Variants in TMPRSS7 observed in about 807,000 individuals in gnomAD.
TMPRSS7 encodes the protein transmembrane serine protease 7, also known as transmembrane protease serine 7.
Under a neutral mutation model 95.6 loss-of-function variants are expected in TMPRSS7, and 81 were observed. The observed-to-expected ratio is 0.85, with a 90% CI of 0.71 to 1.02. The LOEUF (loss-of-function observed/expected upper bound fraction) is 1.02, where lower values mean the gene tolerates loss of function less well. Among genes scored for constraint, TMPRSS7 ranks in the 50% least tolerant of loss-of-function variants. The pLI is 0.00. For missense variants in TMPRSS7, 945 were observed against 955.2 expected (o/e 0.99, Z 0.14); for synonymous variants, 364 against 337.8 (o/e 1.08, Z -0.85).
chr3:112,077,020 C>T (rs375096664), exon 16 of TMPRSS7: 1 of 1,614,022 alleles, frequency 6.2e-7, no homozygotes, highest in Non-Finnish European at 8.5e-7. Flanking sequence ...TGCTACAGCT[C>T]AGTATTGCCT....
intron 3 of TMPRSS7, among the ~76,000 whole-genome samples, chr3:112,042,301 C>T (rs12485981): frequency 6.6e-6 from 1 of 152,120 alleles, no homozygotes; most frequent in Admixed American, 6.5e-5. Context: ...TTCTTCTGAA[C>T]CGTAAAATAA....
chr3:112,052,671 C>T (rs576521357), intron 9 of TMPRSS7, among the ~76,000 whole-genome samples: 1 of 152,162 alleles, frequency 6.6e-6, no homozygotes, highest in Admixed American at 6.5e-5. Flanking sequence ...AACAAATCTC[C>T]ATTTCTTCAG....
intron 10 of TMPRSS7, among the ~76,000 whole-genome samples, chr3:112,059,879 G>A (rs1008700337): frequency 6.6e-6 from 1 of 152,214 alleles, no homozygotes; most frequent in Admixed American, 6.5e-5. Context: ...TGTTTCCCGA[G>A]TGCTTTAGGG....
rs1010555749 is a variant in TMPRSS7 at position 112,045,512 on chromosome 3, G to A, written c.498-238G>A. Among the ~76,000 whole-genome samples, 7 of 152,332 alleles carry A rather than the reference G, an allele frequency of 4.6e-5. No individual in the cohort carries two copies. In the South Asian group the frequency reaches 1.4e-3, roughly 32 times the overall value. On this transcript the variant is annotated intron_variant, in intron 4 of 17. Transcript: ENST00000452346. ...TCCATAGAAATAGCATATTCTCCAT[G>A]GAGACGCAACTCTACAGTAATGGTT...
chr3:112,068,181 T>C (rs761510224), intron 13 of TMPRSS7, among the ~76,000 whole-genome samples: 14 of 152,366 alleles, frequency 9.2e-5, no homozygotes, highest in East Asian at 1.9e-4. Flanking sequence ...TCCATTGCTC[T>C]ATATATCTGT....
intron 13 of TMPRSS7, among the ~76,000 whole-genome samples, chr3:112,069,696 C>G (rs58840068): frequency 0.03 from 4,534 of 152,062 alleles, 189 homozygotes; most frequent in African/African-American, 0.088. Flanking sequence ...TTTATTGAGT[C>G]TATTTGATTC....
At chr3:112,048,758 A>G (rs1041347197) in intron 7 of TMPRSS7, among the ~76,000 whole-genome samples, 40 of 152,258 alleles carry the variant, frequency 2.6e-4, no homozygotes, top group African/African-American at 9.4e-4. Context: ...TGCAGTGAAA[A>G]GTAAGTTTGC....
chr3:112,079,859 T>C (rs1262925025), intron 17 of TMPRSS7, among the ~76,000 whole-genome samples: 1 of 152,214 alleles, frequency 6.6e-6, no homozygotes, highest in Non-Finnish European at 1.5e-5. Context: ...AGAGGGTAAG[T>C]AAATTGCCTA....
Position 112,075,349 on chromosome 3 carries a change from C to T in TMPRSS7, c.1812C>T (p.His604=), listed in dbSNP as rs148582792. The change falls in exon 15 of 18, where the codon CAC becomes CAT. Residue 604 remains histidine (H), a synonymous_variant. Transcript: ENST00000452346. ...GCAGCAGGAGTTCCTCCGCCCTTCACCGCATCATCGGAGGCACAGACACCC... is the reference window on the plus strand; with the variant it reads ...GCAGCAGGAGTTCCTCCGCCCTTCATCGCATCATCGGAGGCACAGACACCC... 3.2e-5 allele frequency: 47 copies of T among 1,450,752 alleles called. No individual in the cohort carries two copies. The East Asian group carries it at 7.5e-4, about 23-fold the overall frequency. 89.9% of individuals were successfully genotyped at this position (1,450,752 alleles called of 1,614,324 possible).
chr3:112,039,441 A>G (rs1407730528), intron 2 of TMPRSS7, among the ~76,000 whole-genome samples: 8 of 152,210 alleles, frequency 5.3e-5, no homozygotes, highest in Admixed American at 3.9e-4. Flanking sequence ...GTCTTTTTGT[A>G]TATTAACAAA....
At chr3:112,038,892 A>T (rs2073178591) in intron 2 of TMPRSS7, among the ~76,000 whole-genome samples, 1 of 151,608 alleles carries the variant, frequency 6.6e-6, no homozygotes, top group African/African-American at 2.4e-5. Context: ...GAGATTGGGG[A>T]TAGGATGGGA....
At chr3:112,069,506 T>C (rs900740743) in intron 13 of TMPRSS7, among the ~76,000 whole-genome samples, 7 of 152,252 alleles carry the variant, frequency 4.6e-5, no homozygotes, top group Non-Finnish European at 8.8e-5. Flanking sequence ...TTTCAGAGCC[T>C]GTTATTGGTC....
Position 112,076,864 on chromosome 3 carries a change from C to G in TMPRSS7, c.1956-12C>G. On this transcript the variant is annotated splice_polypyrimidine_tract_variant and intron_variant, in intron 15 of 17. Transcript: ENST00000452346. ...AAGCTGCTAACTTTATGTTTCATTA[C>G]TGTTCTATCAGGCTGTCAGATCCCA... 2 of 1,611,490 alleles carry G rather than the reference C, an allele frequency of 1.2e-6. No individual in the cohort carries two copies. The highest frequency in any genetic ancestry group is 1.7e-6 in the Non-Finnish European group (2 of 1,178,620).
chr3:112,042,675 T>C (rs949116767), intron 3 of TMPRSS7, among the ~76,000 whole-genome samples: 3 of 152,232 alleles, frequency 2.0e-5, no homozygotes, highest in African/African-American at 7.2e-5. Flanking sequence ...TAAATCTTCC[T>C]TTAAAAAATA....
exon 2 of TMPRSS7, chr3:112,038,102 G>T (rs1212048457): frequency 2.8e-6 from 2 of 702,506 alleles, no homozygotes; most frequent in South Asian, 1.5e-5. Flanking sequence ...AGTGGTCAGT[G>T]CCCAAAAGAA....
chr3:112,080,935 T>G (rs1240212899), exon 18 of TMPRSS7: 1 of 1,613,814 alleles, frequency 6.2e-7, no homozygotes, highest in South Asian at 1.1e-5. Flanking sequence ...TGGACCTTTA[T>G]CTTGTCGAAG....
chr3:112,039,982 T>C (rs73216066), intron 2 of TMPRSS7, among the ~76,000 whole-genome samples: 43,716 of 151,846 alleles, frequency 0.29, 7,285 homozygotes, highest in Middle Eastern at 0.38. Context: ...AATTGAATCA[T>C]TGGACATCCA....
intron 6 of TMPRSS7, 91 bp downstream of exon 6, chr3:112,047,103 C>A (rs2073288607): frequency 1.5e-6 from 1 of 679,806 alleles, no homozygotes; most frequent in South Asian, 1.6e-5. Flanking sequence ...TTTGTTAGTG[C>A]TCTTTTAATT....
intron 3 of TMPRSS7, chr3:112,043,058 A>ATACTGCTACG: frequency 2.2e-6 from 1 of 456,090 alleles, no homozygotes; most frequent in Non-Finnish European, 4.4e-6. Context: ...TGCCTGCTAT[A>ATACTGCTACG]TACTGGGTAC....
Sources: allele counts gnomAD v4.1 joint callset (sites outside exome capture counted in the v4.1 genomes callset), GRCh38; gene constraint gnomAD v4.1.1; transcripts MANE v1.5; gene names NCBI Gene and HGNC (gene_info 2026-07-23, HGNC 2026-07-21).